QTMAN: variants seen among roughly 807,000 people sequenced by gnomAD.
QTMAN encodes the protein tRNA-queuosine alpha-mannosyltransferase.
At chr2:144,306,977 T>G in the QTMAN span, among the ~76,000 whole-genome samples, 1 of 151,392 alleles carries the variant, frequency 6.6e-6, no homozygotes, top group African/African-American at 2.4e-5. Flanking sequence ...CTGACCAACA[T>G]GGTGAAACCC....
At chr2:143,955,603 G>A in the QTMAN span, among the ~76,000 whole-genome samples, 1 of 152,178 alleles carries the variant, frequency 6.6e-6, no homozygotes, top group Non-Finnish European at 1.5e-5. Flanking sequence ...CTGATGGTAT[G>A]CCTTTTGCTT....
At chr2:143,987,416 T>C in the QTMAN span, among the ~76,000 whole-genome samples, 1 of 152,256 alleles carries the variant, frequency 6.6e-6, no homozygotes, top group Non-Finnish European at 1.5e-5. Context: ...GCTCAGGAAC[T>C]GGGAAGTAAC....
the QTMAN span, among the ~76,000 whole-genome samples, chr2:144,320,235 G>A: frequency 6.6e-6 from 1 of 152,166 alleles, no homozygotes; most frequent in Admixed American, 6.5e-5. Flanking sequence ...ACTTGAGTAG[G>A]TGCAACAGAG....
At chr2:144,174,504 G>C in the QTMAN span, among the ~76,000 whole-genome samples, 3 of 151,642 alleles carry the variant, frequency 2.0e-5, no homozygotes, top group South Asian at 6.3e-4. Flanking sequence ...ACTTCATATT[G>C]GTTGGAACCA....
the QTMAN span, chr2:144,317,364 G>GGGAA: frequency 1.3e-3 from 112 of 88,226 alleles, no homozygotes; most frequent in African/African-American, 2.7e-3. Flanking sequence ...GATCTTCAAG[G>GGGAA]GGAAGGAAGG....
At chr2:143,952,320 C>G in the QTMAN span, among the ~76,000 whole-genome samples, 1 of 151,470 alleles carries the variant, frequency 6.6e-6, no homozygotes, top group East Asian at 1.9e-4. Flanking sequence ...TAACACAATG[C>G]ATATGTGATA....
the QTMAN span, among the ~76,000 whole-genome samples, chr2:144,195,890 T>C: frequency 1.1e-4 from 16 of 152,278 alleles, no homozygotes; most frequent in Middle Eastern, 3.4e-3. Context: ...AATCACTCTT[T>C]ATAAACTTAA....
chr2:144,137,115 G>A, the QTMAN span, among the ~76,000 whole-genome samples: 3 of 152,140 alleles, frequency 2.0e-5, no homozygotes, highest in African/African-American at 7.2e-5. Context: ...TCTTCCTTTA[G>A]GGGAACACAG....
the QTMAN span, among the ~76,000 whole-genome samples, chr2:144,019,832 C>G: frequency 5.5e-4 from 84 of 152,236 alleles, no homozygotes; most frequent in African/African-American, 2.0e-3. Context: ...TGGAGATTCA[C>G]CTTCTAGGAA....
chr2:144,194,250 A>T, the QTMAN span, among the ~76,000 whole-genome samples: 1 of 152,176 alleles, frequency 6.6e-6, no homozygotes, highest in Non-Finnish European at 1.5e-5. Flanking sequence ...GATCCTCACA[A>T]ATCTTGAAGA....
At chr2:144,106,765 A>G in the QTMAN span, among the ~76,000 whole-genome samples, 1 of 152,234 alleles carries the variant, frequency 6.6e-6, no homozygotes, top group Non-Finnish European at 1.5e-5. Flanking sequence ...CCTAATAGAC[A>G]TCTACAGAAC....
the QTMAN span, among the ~76,000 whole-genome samples, chr2:144,161,996 T>C: frequency 2.6e-5 from 4 of 152,356 alleles, no homozygotes; most frequent in Admixed American, 6.5e-5. Context: ...CAAGTTTTCA[T>C]AGTACAAAGA....
chr2:144,079,301 G>C, the QTMAN span, among the ~76,000 whole-genome samples: 2 of 152,078 alleles, frequency 1.3e-5, no homozygotes, highest in Non-Finnish European at 2.9e-5. Context: ...CAGTACTTAG[G>C]AGGAAAGCCT....
At chr2:144,078,120 C>T in the QTMAN span, among the ~76,000 whole-genome samples, 1 of 152,192 alleles carries the variant, frequency 6.6e-6, no homozygotes. Flanking sequence ...TCTAAACAGC[C>T]TACTGCATTC....
chr2:143,982,415 A>T, the QTMAN span, among the ~76,000 whole-genome samples: 127 of 151,818 alleles, frequency 8.4e-4, no homozygotes, highest in African/African-American at 2.9e-3. Flanking sequence ...TATTTTTAGT[A>T]GAGACGGGGT....
chr2:144,233,680 A>C, the QTMAN span, among the ~76,000 whole-genome samples: 1 of 152,218 alleles, frequency 6.6e-6, no homozygotes, highest in East Asian at 1.9e-4. Context: ...TAGAGAACAA[A>C]GAATGATATA....
At chr2:144,107,023 A>G in the QTMAN span, among the ~76,000 whole-genome samples, 2 of 152,258 alleles carry the variant, frequency 1.3e-5, no homozygotes, top group African/African-American at 4.8e-5. Flanking sequence ...ACATAACAAA[A>G]TGAAGGCAGA....
the QTMAN span, among the ~76,000 whole-genome samples, chr2:144,005,312 T>C: frequency 6.6e-6 from 1 of 152,178 alleles, no homozygotes; most frequent in South Asian, 2.1e-4. Context: ...AAATATCGAA[T>C]GTCAACATAA....
At chr2:144,248,180 A>G in the QTMAN span, among the ~76,000 whole-genome samples, 1 of 152,256 alleles carries the variant, frequency 6.6e-6, no homozygotes, top group Non-Finnish European at 1.5e-5. Context: ...CTAGTTAAAT[A>G]AATTACATTT....
Sources: gnomAD v4.1 joint callset for allele counts (sites outside exome capture counted in the v4.1 genomes callset) on GRCh38, gnomAD v4.1.1 for gene constraint, MANE v1.5 for transcripts, NCBI Gene and HGNC (gene_info 2026-07-23, HGNC 2026-07-21) for gene names.